The following SYNE1 variants were observed in gnomAD, a reference collection of about 807,000 sequenced individuals.
The protein encoded by SYNE1 is nesprin-1.
In SYNE1, 616 loss-of-function variants were observed where a neutral mutation model predicts 1,111.0. That is an observed-to-expected ratio of 0.55 (90% confidence interval 0.52 to 0.59). SYNE1 has a LOEUF of 0.59. Ranked by LOEUF, SYNE1 falls within the 20% of genes least tolerant of loss-of-function variation. The probability of loss-of-function intolerance (pLI) is 0.00; values close to 1 mark genes in which losing one functional copy is unlikely to be tolerated. For missense variants in SYNE1, 10,006 were observed against 10,417.0 expected, an observed-to-expected ratio of 0.96 and a Z score of 1.72; for synonymous variants, 3,855 against 3,825.8, an observed-to-expected ratio of 1.01 and a Z score of -0.28.
At chr6:152,179,793 C>T (rs760254690) in intron 129 of SYNE1, among the ~76,000 whole-genome samples, 59 of 144,630 alleles carry the variant, frequency 4.1e-4, no homozygotes, top group African/African-American at 6.2e-4. Flanking sequence ...CAAGTGATTC[C>T]CCTGCCTCAG....
intron 139 of SYNE1, among the ~76,000 whole-genome samples, chr6:152,140,470 A>T (rs2058288153): frequency 6.6e-6 from 1 of 152,198 alleles, no homozygotes; most frequent in Admixed American, 6.5e-5. Context: ...GATCCTGTCT[A>T]CAATAGGGCT....
intron 28 of SYNE1, among the ~76,000 whole-genome samples, chr6:152,448,763 G>A (rs1238984372): frequency 6.6e-6 from 1 of 152,118 alleles, no homozygotes; most frequent in Non-Finnish European, 1.5e-5. Flanking sequence ...GATTGCTTAA[G>A]CCCAGGAGGT....
chr6:152,365,877 T>C (rs550961696), intron 62 of SYNE1, among the ~76,000 whole-genome samples: 1 of 152,296 alleles, frequency 6.6e-6, no homozygotes, highest in South Asian at 2.1e-4. Flanking sequence ...CAGCCACCCA[T>C]TGCCACCAGT....
chr6:152,232,378 C>T (rs2082976403), intron 112 of SYNE1, 113 bp from the exon 113 acceptor site: 1 of 1,164,606 alleles, frequency 8.6e-7, no homozygotes. Flanking sequence ...AGATAACACT[C>T]CTTAATGACA....
chr6:152,156,696 T>C (rs1318659739), intron 131 of SYNE1, among the ~76,000 whole-genome samples: 1 of 152,226 alleles, frequency 6.6e-6, no homozygotes, highest in Non-Finnish European at 1.5e-5. Flanking sequence ...TCAATACAGA[T>C]GCAAATTGTT....
chr6:152,551,724 A>C (rs1019552847), intron 3 of SYNE1, among the ~76,000 whole-genome samples: 2 of 152,214 alleles, frequency 1.3e-5, no homozygotes, highest in Non-Finnish European at 2.9e-5. Context: ...AGCTAAGGAG[A>C]AAATGCTGCC....
At chr6:152,145,828 C>A (rs2059377444) in intron 137 of SYNE1, 1 of 394,654 alleles carries the variant, frequency 2.5e-6, no homozygotes, top group Non-Finnish European at 4.8e-6. Flanking sequence ...AATTCGAGAC[C>A]AGCCTGGCCG....
intron 3 of SYNE1, among the ~76,000 whole-genome samples, chr6:152,605,846 T>C (rs757376553): frequency 1.3e-5 from 2 of 152,182 alleles, no homozygotes; most frequent in Non-Finnish European, 2.9e-5. Flanking sequence ...TTTTCTTGGA[T>C]GTGTATGTGT....
chr6:152,437,848 C>T (rs1205698313), intron 32 of SYNE1, among the ~76,000 whole-genome samples: 1 of 152,106 alleles, frequency 6.6e-6, no homozygotes, highest in Non-Finnish European at 1.5e-5. Context: ...TCTCCTAGAA[C>T]ATAGTACCAT....
chr6:152,515,653 T>C (rs550419363), intron 6 of SYNE1, among the ~76,000 whole-genome samples: 333 of 152,328 alleles, frequency 2.2e-3, no homozygotes, highest in Non-Finnish European at 4.1e-3. Context: ...GGAACTCACC[T>C]CATTCCTTTA....
intron 128 of SYNE1, among the ~76,000 whole-genome samples, chr6:152,187,307 C>T (rs1369458640): frequency 6.6e-6 from 1 of 152,086 alleles, no homozygotes; most frequent in Admixed American, 6.6e-5. Flanking sequence ...GAGAAATTTT[C>T]CTGAAAATAC....
Position 152,328,380 on chromosome 6 carries a change from T to TTTTATTTTATTTA in SYNE1, c.14955+1349_14955+1350insTAAATAAAATAAA, listed in dbSNP as rs374503996. 7.2e-3 allele frequency among the ~76,000 whole-genome samples: 994 copies of TTTTATTTTATTTA among 137,536 alleles called. 10 individuals carry two copies. Among genetic ancestry groups the TTTTATTTTATTTA allele is most frequent in the East Asian group, 0.035 (167 of 4,788 alleles). 90.2% of individuals were successfully genotyped at this position (137,536 alleles called of 152,430 possible). A position where few individuals can be genotyped will look rare whatever the true frequency, so the allele number is the denominator to read the frequency against. On this transcript the variant is annotated intron_variant, in intron 78 of 145. Coordinates refer to ENST00000367255, the MANE Select transcript of SYNE1 (RefSeq NM_182961.4). ...GCACTATTTTTCTCTTCTTATTTTA[T>TTTTATTTTATTTA]TTTATTTATTTATTTATTTATTTAT...
chr6:152,207,910 GAAGGT>G, intron 125 of SYNE1, 57 bp downstream of exon 125: 1 of 1,559,280 alleles, frequency 6.4e-7, no homozygotes, highest in Non-Finnish European at 8.8e-7. Context: ...AAACCGAGGC[GAAGGT>G]AAAGTGTGCG....
In SYNE1 at chr6:152,310,432, T is replaced by C; in HGVS notation, c.16983A>G (p.Gly5661=). Residue 5661 remains glycine, a synonymous_variant, in exon 89 of 146, where the codon GGA becomes GGG. Coordinates refer to ENST00000367255, the MANE Select transcript of SYNE1 (RefSeq NM_182961.4). The part of the protein sequence containing the change: ...AQATLTSPEV[G]RLSLKEQLSH... ...AGAGCTGCTCCTTGAGACTGAGACG[T>C]CCAACTTCTGGAGAAGTCAGTGTTG... 6.2e-7 allele frequency: 1 copy of C among 1,614,194 alleles called. No homozygotes were observed. Among genetic ancestry groups the C allele is most frequent in the Non-Finnish European group, 8.5e-7 (1 of 1,180,038 alleles).
At chr6:152,473,483 G>A (rs1033900518) in intron 14 of SYNE1, among the ~76,000 whole-genome samples, 7 of 152,234 alleles carry the variant, frequency 4.6e-5, no homozygotes, top group African/African-American at 1.7e-4. Context: ...TTTTAACATG[G>A]TAGAAAAACC....
intron 58 of SYNE1, among the ~76,000 whole-genome samples, chr6:152,375,124 G>C (rs934228759): frequency 6.6e-6 from 1 of 151,880 alleles, no homozygotes; most frequent in African/African-American, 2.4e-5. Context: ...TATTTTATTA[G>C]TAGAGACAGG....
chr6:152,629,411 A>T (rs1222525973), intron 2 of SYNE1, among the ~76,000 whole-genome samples: 1 of 150,268 alleles, frequency 6.7e-6, no homozygotes, highest in Non-Finnish European at 1.5e-5. Flanking sequence ...TCACCATGTT[A>T]GCCAGACTCG....
Position 152,330,784 on chromosome 6 carries a change from T to C in SYNE1, c.13901A>G (p.Asn4634Ser), listed in dbSNP as rs1362233016. ...ACTGAGGTAGGAATGATCGACTTCA[T>C]TCAGCGATGGTAATATGGTCTGCCC... ...RTGQTILPSLNEVDHSYLSEK... is the reference protein window; with the variant it reads ...RTGQTILPSLSEVDHSYLSEK... The change falls in exon 78 of 146, where the codon AAT becomes AGT. Residue 4634 changes from asparagine (N) to serine (S), a missense_variant. This residue lies in a region of SYNE1 where 4,955 missense variants were observed against 5,017.2 expected (regional missense o/e 0.99). Coordinates refer to ENST00000367255, the MANE Select transcript of SYNE1 (RefSeq NM_182961.4). 8.1e-6 allele frequency: 13 copies of C among 1,613,846 alleles called. No homozygotes were observed. Among genetic ancestry groups the C allele is most frequent in the South Asian group, 1.1e-5 (1 of 91,088 alleles).
chr6:152,348,018 A>G (rs1341369502), intron 72 of SYNE1, among the ~76,000 whole-genome samples: 1 of 152,096 alleles, frequency 6.6e-6, no homozygotes, highest in Non-Finnish European at 1.5e-5. Flanking sequence ...CAAAAACTGC[A>G]ATTACTTTTG....
Sources: allele counts gnomAD v4.1 joint callset (sites outside exome capture counted in the v4.1 genomes callset), GRCh38; gene constraint gnomAD v4.1.1; regional missense constraint gnomAD v4.1.1; transcripts MANE v1.5; gene names NCBI Gene and HGNC (gene_info 2026-07-23, HGNC 2026-07-21).